The following C2CD3 variants were observed in gnomAD, a reference collection of about 807,000 sequenced individuals.
C2CD3 encodes the protein C2 domain-containing protein 3.
Under a neutral mutation model 234.0 loss-of-function variants are expected in C2CD3, and 148 were observed. That is an observed-to-expected ratio of 0.63 (90% CI 0.55 to 0.72). The LOEUF is 0.72. C2CD3 is among the 30% of genes least tolerant of loss of function. The probability of loss-of-function intolerance (pLI) is 0.00; values close to 1 mark genes in which losing one functional copy is unlikely to be tolerated. For synonymous variants in C2CD3, 1,000 were observed against 1,035.4 expected (o/e 0.97, Z 0.66); for missense variants, 2,577 against 2,811.5 (o/e 0.92, Z 1.89).
At chr11:74,082,974 C>T (rs1402586927) in intron 22 of C2CD3, among the ~76,000 whole-genome samples, 5 of 152,100 alleles carry the variant, frequency 3.3e-5, no homozygotes, top group Non-Finnish European at 7.4e-5. Context: ...AAAAAGAGCC[C>T]GCATTGCCAA....
rs1321294769 is a variant in C2CD3, at chr11:74,098,069, A to AG, written c.2918dup (p.Pro974SerfsTer5). On this transcript the variant is annotated frameshift_variant, in exon 16 of 33. Transcript: ENST00000334126. LOFTEE classifies it high-confidence loss of function. ...AATGGGCTGGCCTAGGGCTGAAGGG[A>AG]GGGAGTGTTCCTTCTTCATTCTTTA... 6.2e-7 allele frequency: 1 copy of AG among 1,613,926 alleles called. No individual in the cohort carries two copies.
chr11:74,109,770 T>C (rs563340658), intron 11 of C2CD3, among the ~76,000 whole-genome samples: 94 of 152,188 alleles, frequency 6.2e-4, no homozygotes, highest in African/African-American at 2.2e-3. Flanking sequence ...GAGTTTTAAC[T>C]GGTAAATAAA....
chr11:74,049,289 A>G, intron 27 of C2CD3, 48 bp downstream of exon 27: 1 of 1,465,466 alleles, frequency 6.8e-7, no homozygotes, highest in Non-Finnish European at 9.6e-7. Flanking sequence ...ATGTTCTTAT[A>G]GGTCAGTACA....
intron 24 of C2CD3, among the ~76,000 whole-genome samples, chr11:74,068,401 T>C (rs534763572): frequency 4.6e-5 from 7 of 152,338 alleles, no homozygotes; most frequent in East Asian, 1.9e-4. Context: ...GCTCTTTGAA[T>C]GCACAGAGTA....
intron 21 of C2CD3, 59 bp downstream of exon 21, chr11:74,085,559 A>C: frequency 6.4e-7 from 1 of 1,556,430 alleles, no homozygotes; most frequent in East Asian, 2.2e-5. Flanking sequence ...AGGAAGGGCT[A>C]TACTATTCAC....
intron 26 of C2CD3, among the ~76,000 whole-genome samples, chr11:74,050,296 G>T (rs1484846070): frequency 6.6e-6 from 1 of 152,098 alleles, no homozygotes; most frequent in Admixed American, 6.5e-5. Context: ...AATTAAAAAG[G>T]AAAAACAACT....
intron 24 of C2CD3, among the ~76,000 whole-genome samples, chr11:74,064,857 G>T (rs1216251695): frequency 6.6e-6 from 1 of 152,128 alleles, no homozygotes; most frequent in South Asian, 2.1e-4. Context: ...GGGAAAACTG[G>T]CTAGCCATAT....
intron 12 of C2CD3, among the ~76,000 whole-genome samples, chr11:74,108,772 G>C (rs1956629466): frequency 6.6e-6 from 1 of 151,974 alleles, no homozygotes. Flanking sequence ...ATATAATAAT[G>C]TACCTAATTC....
chr11:74,032,740 C>T (rs1952574186), intron 31 of C2CD3, among the ~76,000 whole-genome samples: 1 of 151,986 alleles, frequency 6.6e-6, no homozygotes, highest in Non-Finnish European at 1.5e-5. Flanking sequence ...TGCTGCATAC[C>T]TGTAGTTCTA....
At chr11:74,042,604 T>A (rs939160131) in intron 28 of C2CD3, among the ~76,000 whole-genome samples, 1 of 151,856 alleles carries the variant, frequency 6.6e-6, no homozygotes, top group Non-Finnish European at 1.5e-5. Flanking sequence ...AGCACAAAAA[T>A]TAGCTGGGTG....
intron 32 of C2CD3, among the ~76,000 whole-genome samples, chr11:74,015,776 A>T (rs905020033): frequency 1.3e-5 from 2 of 152,114 alleles, no homozygotes; most frequent in African/African-American, 4.8e-5. Context: ...ATGACCATAA[A>T]AAGACCTCTG....
chr11:74,150,362 C>T (rs1855517247), intron 3 of C2CD3, among the ~76,000 whole-genome samples: 1 of 150,950 alleles, frequency 6.6e-6, no homozygotes, highest in Non-Finnish European at 1.5e-5. Context: ...GTGGTACATG[C>T]CTGTAATCCT....
chr11:74,077,473 T>A (rs1042748638), intron 23 of C2CD3, among the ~76,000 whole-genome samples: 2 of 151,978 alleles, frequency 1.3e-5, no homozygotes, highest in Non-Finnish European at 2.9e-5. Flanking sequence ...GATGAGTTCA[T>A]GTCCTTTGCA....
chr11:74,167,384 C>CT (rs1369994422), intron 2 of C2CD3, among the ~76,000 whole-genome samples: 2 of 152,160 alleles, frequency 1.3e-5, no homozygotes, highest in Admixed American at 6.5e-5. Flanking sequence ...AATAACTAAA[C>CT]TTTTTTGTGA....
chr11:74,117,123 TA>T (rs1957027801), intron 9 of C2CD3, among the ~76,000 whole-genome samples: 1 of 53,250 alleles, frequency 1.9e-5, no homozygotes, highest in Non-Finnish European at 3.1e-5. Flanking sequence ...TGAATATATA[TA>T]TATGAATATA....
At chr11:74,130,364 TAC>T (rs1957624079) in intron 7 of C2CD3, among the ~76,000 whole-genome samples, 1 of 152,024 alleles carries the variant, frequency 6.6e-6, no homozygotes, top group South Asian at 2.1e-4. Context: ...TAGCTAGGAC[TAC>T]AGTCATATGC....
chr11:74,021,274 A>C (rs1018361850), intron 32 of C2CD3, among the ~76,000 whole-genome samples: 10 of 150,846 alleles, frequency 6.6e-5, no homozygotes, highest in Admixed American at 5.9e-4. Context: ...AACAAACAAA[A>C]AACACCACCC....
intron 30 of C2CD3, 69 bp downstream of exon 30, chr11:74,037,409 C>T (rs1186002795): frequency 2.0e-5 from 24 of 1,190,416 alleles, no homozygotes; most frequent in Non-Finnish European, 2.9e-5. Flanking sequence ...CGAAGGAACA[C>T]ATTCAAATGC....
At chr11:74,122,684 C>T (rs1245390917) in intron 8 of C2CD3, among the ~76,000 whole-genome samples, 1 of 152,158 alleles carries the variant, frequency 6.6e-6, no homozygotes, top group African/African-American at 2.4e-5. Flanking sequence ...ATCAGCTCTT[C>T]CTTATAAAAG....
Sources: allele counts gnomAD v4.1 joint callset (sites outside exome capture counted in the v4.1 genomes callset), GRCh38; gene constraint gnomAD v4.1.1; transcripts MANE v1.5; gene names NCBI Gene and HGNC (gene_info 2026-07-23, HGNC 2026-07-21).